ADGB: variants seen among roughly 807,000 people sequenced by gnomAD.
ADGB encodes the protein androglobin.
A neutral mutation model predicts 210.5 loss-of-function variants in ADGB; 172 were observed. The ratio of observed to expected loss-of-function variants is 0.82; its 90% CI spans 0.72 to 0.93. The LOEUF is 0.93. Among genes scored for constraint, ADGB ranks in the 40% least tolerant of loss-of-function variants. The pLI, the probability that ADGB is intolerant of heterozygous loss-of-function variation, is 0.00. For synonymous variants in ADGB, 658 were observed against 662.7 expected (o/e 0.99, Z 0.11); for missense variants, 2,025 against 1,964.8 (o/e 1.03, Z -0.58).
chr6:146,650,858 T>C (rs571507835), intron 3 of ADGB, among the ~76,000 whole-genome samples: 12 of 152,272 alleles, frequency 7.9e-5, no homozygotes, highest in African/African-American at 2.6e-4. Flanking sequence ...ACTGGAGAAA[T>C]GTCCTCAGAC....
chr6:146,751,758 T>G (rs1210131234), intron 26 of ADGB, among the ~76,000 whole-genome samples: 1 of 152,158 alleles, frequency 6.6e-6, no homozygotes, highest in Non-Finnish European at 1.5e-5. Context: ...ATGTGTTTGT[T>G]GGCCACATGT....
chr6:146,710,609 T>A (rs530836943), intron 13 of ADGB, among the ~76,000 whole-genome samples: 1 of 152,210 alleles, frequency 6.6e-6, no homozygotes, highest in South Asian at 2.1e-4. Context: ...CACATACAGA[T>A]GAACAAATCT....
At chr6:146,744,256 T>C (rs1337203153) in intron 25 of ADGB, among the ~76,000 whole-genome samples, 1 of 152,172 alleles carries the variant, frequency 6.6e-6, no homozygotes, top group Admixed American at 6.5e-5. Context: ...GACTAGATAA[T>C]GTCTAAAACT....
chr6:146,801,358 T>A, intron 34 of ADGB, 79 bp downstream of exon 34: 1 of 935,198 alleles, frequency 1.1e-6, no homozygotes, highest in Middle Eastern at 2.6e-4. Context: ...AAATGTTTTC[T>A]GTAAAGATTT....
chr6:146,744,359 C>T lies in ADGB; in HGVS notation c.3178-1563C>T, dbSNP rs1361755340. Among the ~76,000 whole-genome samples, 6 of 152,162 alleles carry T rather than the reference C, an allele frequency of 3.9e-5. 1 individual carries two copies. Among genetic ancestry groups the T allele is most frequent in the Admixed American group, 2.0e-4 (3 of 15,284 alleles). ...TCATCCAGAGGCATCCTGACCCATA[C>T]GAAATTCACCAGAGGCCTTGACATA... On this transcript the variant is annotated intron_variant, in intron 25 of 35. Transcript: ENST00000397944.
chr6:146,752,093 T>C (rs1241371362), intron 26 of ADGB, among the ~76,000 whole-genome samples: 1 of 152,116 alleles, frequency 6.6e-6, no homozygotes, highest in Admixed American at 6.6e-5. Flanking sequence ...CTGGGTAATT[T>C]CTGAAGAAAA....
chr6:146,697,717 T>C (rs921492470), intron 12 of ADGB, among the ~76,000 whole-genome samples: 1 of 152,040 alleles, frequency 6.6e-6, no homozygotes, highest in Non-Finnish European at 1.5e-5. Context: ...ATAAAGAGAT[T>C]TGGAAATAAT....
intron 33 of ADGB, among the ~76,000 whole-genome samples, chr6:146,793,029 T>C (rs1777974928): frequency 6.6e-6 from 1 of 152,106 alleles, no homozygotes; most frequent in Non-Finnish European, 1.5e-5. Flanking sequence ...TTCCACAACA[T>C]GGAAGGGGAC....
At chr6:146,781,391 G>A (rs1777797849) in intron 29 of ADGB, among the ~76,000 whole-genome samples, 1 of 148,796 alleles carries the variant, frequency 6.7e-6, no homozygotes, top group African/African-American at 2.5e-5. Flanking sequence ...CACAATACCC[G>A]AAAATTAGAC....
At chr6:146,723,713 G>C (rs1223500346) in intron 17 of ADGB, among the ~76,000 whole-genome samples, 1 of 152,058 alleles carries the variant, frequency 6.6e-6, no homozygotes, top group African/African-American at 2.4e-5. Flanking sequence ...CTTCAGCTTG[G>C]GTAACAGAGT....
intron 2 of ADGB, among the ~76,000 whole-genome samples, chr6:146,641,884 C>T (rs996494013): frequency 6.6e-6 from 1 of 152,022 alleles, no homozygotes; most frequent in Non-Finnish European, 1.5e-5. Context: ...GCAATTGCAA[C>T]AAAAGCAAAA....
chr6:146,692,769 C>T, intron 11 of ADGB, 56 bp from the exon 12 acceptor site: 2 of 923,504 alleles, frequency 2.2e-6, no homozygotes, highest in Admixed American at 2.6e-5. Context: ...ATTCTGTATG[C>T]AATCCTGAAA....
intron 2 of ADGB, among the ~76,000 whole-genome samples, chr6:146,642,933 A>G (rs78278217): frequency 6.6e-6 from 1 of 151,940 alleles, no homozygotes; most frequent in East Asian, 1.9e-4. Flanking sequence ...TTTTAAAAAA[A>G]TTAACAGACA....
intron 1 of ADGB, among the ~76,000 whole-genome samples, chr6:146,618,158 A>T (rs1780831844): frequency 6.6e-6 from 1 of 151,844 alleles, no homozygotes; most frequent in South Asian, 2.1e-4. Flanking sequence ...TCATAACACC[A>T]ATTTGTTGGT....
chr6:146,774,132 G>A (rs528056860), intron 29 of ADGB, among the ~76,000 whole-genome samples: 2 of 152,000 alleles, frequency 1.3e-5, no homozygotes, highest in African/African-American at 4.8e-5. Flanking sequence ...TTACTTTAGT[G>A]AACACAAAAG....
At position 146,717,104 on chromosome 6, in the gene ADGB, G is replaced by A. The variant is rs765595263; in HGVS notation, c.1928+35G>A. On this transcript the variant is annotated intron_variant, in intron 15 of 35. Transcript: ENST00000397944. Reference sequence around the variant, plus strand: ...CCAATGGGATCAATCTGACTATGTCGTAGTGGTTAAACCCTGAGCTGCATT... The same window carrying A: ...CCAATGGGATCAATCTGACTATGTCATAGTGGTTAAACCCTGAGCTGCATT... 73 of 1,506,162 alleles carry A rather than the reference G, an allele frequency of 4.8e-5. 1 individual carries two copies. The highest frequency in any genetic ancestry group is 1.0e-4 in the Admixed American group (5 of 49,422). 93.3% of individuals were successfully genotyped at this position (1,506,162 alleles called of 1,614,324 possible).
chr6:146,651,474 A>C (rs1022016981), intron 3 of ADGB, among the ~76,000 whole-genome samples: 1 of 152,196 alleles, frequency 6.6e-6, no homozygotes, highest in African/African-American at 2.4e-5. Flanking sequence ...TGCCCTTAAA[A>C]GACAATTTTT....
chr6:146,711,098 T>C (rs1294097970), intron 13 of ADGB, among the ~76,000 whole-genome samples: 3 of 152,218 alleles, frequency 2.0e-5, no homozygotes, highest in African/African-American at 7.2e-5. Flanking sequence ...ATCTACACTT[T>C]CCCCTGTCTT....
At chr6:146,632,461 T>C (rs1295464547) in intron 1 of ADGB, among the ~76,000 whole-genome samples, 1 of 152,158 alleles carries the variant, frequency 6.6e-6, no homozygotes, top group Non-Finnish European at 1.5e-5. Context: ...ACAAGCTCCC[T>C]TTTTCAATGG....
Sources: allele counts gnomAD v4.1 joint callset (sites outside exome capture counted in the v4.1 genomes callset), GRCh38; gene constraint gnomAD v4.1.1; transcripts MANE v1.5; gene names NCBI Gene and HGNC (gene_info 2026-07-23, HGNC 2026-07-21).